NLRC5: variants seen among roughly 807,000 people sequenced by gnomAD.
NLRC5 encodes the protein NLR family CARD domain containing 5.
Under a neutral mutation model 206.9 loss-of-function variants are expected in NLRC5, and 114 were observed. That is an observed-to-expected ratio of 0.55 (90% CI 0.47 to 0.64). NLRC5 has a LOEUF of 0.64. NLRC5 is among the 30% of genes least tolerant of loss of function. The probability of loss-of-function intolerance (pLI) is 0.00; values close to 1 mark genes in which losing one functional copy is unlikely to be tolerated. For synonymous variants in NLRC5, 952 were observed against 962.8 expected (o/e 0.99, Z 0.21); for missense variants, 2,008 against 2,305.5 (o/e 0.87, Z 2.64).
intron 20 of NLRC5, among the ~76,000 whole-genome samples, chr16:57,044,109 G>A (rs545084963): frequency 6.7e-6 from 1 of 148,918 alleles, no homozygotes; most frequent in Non-Finnish European, 1.5e-5. Context: ...GAACAGCCTG[G>A]CCAACAGGGT....
chr16:57,037,129 C>A, intron 14 of NLRC5, 66 bp from the exon 15 acceptor site: 2 of 1,320,196 alleles, frequency 1.5e-6, no homozygotes, highest in Non-Finnish European at 2.2e-6. Flanking sequence ...CAGGGAGGGG[C>A]TAGAGCTGGC....
At position 57,028,062 on chromosome 16, in the gene NLRC5, C is replaced by T. The variant is rs913713808; in HGVS notation, c.2076-10C>T. 97 of 1,610,244 alleles carry T rather than the reference C, an allele frequency of 6.0e-5. No homozygotes were observed. The Admixed American group carries it at 1.6e-3, about 26-fold the overall frequency. ...CTGATCCTCTGACACTTCGCTTCTTCTTATGGCAGCTTTAAGAGCAGGAAG... is the reference window on the plus strand; with the variant it reads ...CTGATCCTCTGACACTTCGCTTCTTTTTATGGCAGCTTTAAGAGCAGGAAG... On this transcript the variant is annotated splice_polypyrimidine_tract_variant and intron_variant, in intron 6 of 48. Transcript: ENST00000688547.
intron 38 of NLRC5, 87 bp from the exon 39 acceptor site, chr16:57,074,513 G>T: frequency 1.7e-6 from 2 of 1,155,706 alleles, no homozygotes; most frequent in Non-Finnish European, 1.3e-6. Flanking sequence ...AGGTCCCTAG[G>T]CTTGCTAAGC....
intron 18 of NLRC5, 86 bp from the exon 19 acceptor site, chr16:57,041,896 T>C (rs767619036): frequency 5.6e-6 from 5 of 893,082 alleles, no homozygotes; most frequent in East Asian, 2.8e-5. Context: ...TTTCAGGAAG[T>C]TGAGTAACTG....
chr16:57,000,745 G>A (rs2058144756), intron 1 of NLRC5, among the ~76,000 whole-genome samples: 2 of 152,314 alleles, frequency 1.3e-5, no homozygotes, highest in African/African-American at 4.8e-5. Flanking sequence ...CTGACTCACA[G>A]AAATGGATAT....
In NLRC5 at chr16:57,043,623, C is replaced by T; in HGVS notation, c.3203+19C>T. On this transcript the variant is annotated intron_variant, in intron 20 of 48. Transcript: ENST00000688547. Reference sequence around the variant, plus strand: ...ACATCAGGTGAGCGTGCCTCTCCGCCCCCAGCCCTGCCCCTGTCCCCCATC... The same window carrying T: ...ACATCAGGTGAGCGTGCCTCTCCGCTCCCAGCCCTGCCCCTGTCCCCCATC... 1.3e-6 allele frequency: 2 copies of T among 1,598,738 alleles called. No homozygotes were observed. The highest frequency in any genetic ancestry group is 1.7e-6 in the Non-Finnish European group (2 of 1,165,984).
At chr16:57,046,077 G>A (rs1435355239) in intron 21 of NLRC5, among the ~76,000 whole-genome samples, 2 of 152,230 alleles carry the variant, frequency 1.3e-5, no homozygotes, top group Non-Finnish European at 2.9e-5. Context: ...AGTGTGTCAA[G>A]AAAAGGCACT....
rs376355233 is a variant in NLRC5 at position 57,067,763 on chromosome 16, C to T, written c.4434C>T (p.Asp1478=). ...TGTCTCAGGTTAACCTCTGTGAGGACGATGATGCCAGTTCCCTGCTGCTGC... is the reference window on the plus strand; with the variant it reads ...TGTCTCAGGTTAACCTCTGTGAGGATGATGATGCCAGTTCCCTGCTGCTGC... The part of the protein sequence containing the change: ...LSLSQVNLCE[D]DDASSLLLQS... The change falls in exon 36 of 49, where the codon GAC becomes GAT. Residue 1478 remains aspartate, a synonymous_variant. Coordinates refer to ENST00000688547, the MANE Select transcript of NLRC5 (RefSeq NM_001384950.1). 23 of 1,614,048 alleles carry T rather than the reference C, an allele frequency of 1.4e-5. No individual in the cohort carries two copies. Among genetic ancestry groups the T allele is most frequent in the Middle Eastern group, 3.3e-4 (2 of 6,084 alleles).
Position 57,082,515 on chromosome 16 carries a change from C to G in NLRC5, c.5588C>G (p.Pro1863Arg). Residue 1863 changes from proline to arginine, a missense_variant, in exon 49 of 49, where the codon CCT (proline) becomes CGT (arginine). Coordinates refer to ENST00000688547, the MANE Select transcript of NLRC5 (RefSeq NM_001384950.1). ...FAFFDNQPQAPWGT is the reference protein window; with the variant it reads ...FAFFDNQPQARWGT ...TTCTTTGACAACCAGCCCCAGGCCC[C>G]TTGGGGTACTTGATGGCCCCCTCAA... 1 of 1,613,000 alleles carries G rather than the reference C, an allele frequency of 6.2e-7. No individual in the cohort carries two copies. The highest frequency in any genetic ancestry group is 1.7e-5 in the Admixed American group (1 of 59,942).
At chr16:56,995,882 A>T (rs1271983044) in intron 1 of NLRC5, among the ~76,000 whole-genome samples, 2 of 152,202 alleles carry the variant, frequency 1.3e-5, no homozygotes, top group African/African-American at 4.8e-5. Flanking sequence ...CCAGAGAAAG[A>T]CCTATCCAGT....
At chr16:57,028,253 G>A (rs766397650) in intron 7 of NLRC5, 49 bp from the exon 8 acceptor site, 7 of 1,589,456 alleles carry the variant, frequency 4.4e-6, no homozygotes, top group East Asian at 2.2e-5. Flanking sequence ...TCCTGGCCCC[G>A]CCCTTTTCCC....
intron 38 of NLRC5, among the ~76,000 whole-genome samples, chr16:57,072,659 A>T (rs1186708930): frequency 1.3e-5 from 2 of 152,116 alleles, no homozygotes. Flanking sequence ...TGGACAGAAA[A>T]TTTAACAGAA....
At position 57,020,982 on chromosome 16, in the gene NLRC5, G is replaced by A. The variant is rs771869422; in HGVS notation, c.270G>A (p.Leu90=). 6.2e-7 allele frequency: 1 copy of A among 1,613,880 alleles called. No individual in the cohort carries two copies. Among genetic ancestry groups the A allele is most frequent in the East Asian group, 2.2e-5 (1 of 44,842 alleles). The change falls in exon 3 of 49, where the codon CTG becomes CTA. Residue 90 remains leucine, a synonymous_variant. Transcript: ENST00000688547. ...TGCCTCTGGACCTGGAGGTGCTGCT[G>A]CTGAGTACTTTTGGCTATGATGATG... The part of the protein sequence containing the change: ...LEVPLDLEVL[L]LSTFGYDDGF...
At chr16:57,003,610 G>A (rs1481548042) in intron 1 of NLRC5, among the ~76,000 whole-genome samples, 1 of 152,016 alleles carries the variant, frequency 6.6e-6, no homozygotes, top group African/African-American at 2.4e-5. Flanking sequence ...GCCCACTGGG[G>A]GTGCAGTGAC....
chr16:56,990,548 CG>C (rs1449754433), intron 1 of NLRC5: 1 of 152,144 alleles, frequency 6.6e-6, no homozygotes, highest in Non-Finnish European at 1.5e-5. Flanking sequence ...TCGAGGAGGT[CG>C]GAAGAGGCTC....
chr16:57,054,882 T>A lies in NLRC5; in HGVS notation c.3596+42T>A, dbSNP rs199475999. ...GACAGCCAGGACTCGTCCTGAAGGG[T>A]TGTGCCTGGAGTCTGGTGGGTATGA... On this transcript the variant is annotated intron_variant, in intron 25 of 48. Transcript: ENST00000688547. The A allele has an allele frequency of 6.2e-7, 1 of 1,601,432 alleles. No homozygotes were observed. The highest frequency in any genetic ancestry group is 8.6e-7 in the Non-Finnish European group (1 of 1,168,852).
Position 57,081,025 on chromosome 16 carries a change from C to T in NLRC5, c.5322-73C>T, listed in dbSNP as rs114220005. 1,015 of 1,353,530 alleles carry T rather than the reference C, an allele frequency of 7.5e-4. 3 individuals carry two copies. The African/African-American group carries it at 0.013, about 18-fold the overall frequency. The allele number at this position is 1,353,530 out of a possible 1,614,324, so 83.8% of individuals were successfully genotyped here. ...CCCACGACTGGCACCCTGCTTTCCC[C>T]ATTCACTGCCTTGTCTCCACCCCTC... On this transcript the variant is annotated intron_variant, in intron 46 of 48. Coordinates refer to ENST00000688547, the MANE Select transcript of NLRC5 (RefSeq NM_001384950.1).
rs922880111 is a variant in NLRC5 at position 57,030,097 on chromosome 16, A to G, written c.2417+13A>G. On this transcript the variant is annotated intron_variant, in intron 10 of 48. Transcript: ENST00000688547. ...TGCTTCAGGCCAGGTGAGCAGAAGG[A>G]AAGGGATCTTGGCCTTATGGGCCTT... 5.0e-6 allele frequency: 8 copies of G among 1,610,668 alleles called. No homozygotes were observed. The Admixed American group carries it at 8.3e-5, about 17-fold the overall frequency.
At chr16:57,013,754 A>T (rs2059741791) in intron 1 of NLRC5, 2 of 719,578 alleles carry the variant, frequency 2.8e-6, no homozygotes, top group Admixed American at 4.1e-5. Context: ...ACAATTTTTT[A>T]TCCTCAATTC....
Sources: gnomAD v4.1 joint callset for allele counts (sites outside exome capture counted in the v4.1 genomes callset) on GRCh38, gnomAD v4.1.1 for gene constraint, MANE v1.5 for transcripts, NCBI Gene and HGNC (gene_info 2026-07-23, HGNC 2026-07-21) for gene names.